CFAP20DC: variants seen among roughly 807,000 people sequenced by gnomAD.
CFAP20DC encodes CFAP20 domain containing, also known as protein CFAP20DC.
In CFAP20DC, 84 loss-of-function variants were observed where a neutral mutation model predicts 101.7. The ratio of observed to expected loss-of-function variants is 0.83; its 90% confidence interval spans 0.69 to 0.99. The LOEUF is 0.99. Ranked by LOEUF, CFAP20DC falls within the 50% of genes least tolerant of loss-of-function variation. CFAP20DC has a pLI of 0.00. For missense variants in CFAP20DC, 1,007 were observed against 970.3 expected (o/e 1.04, Z -0.50); for synonymous variants, 359 against 351.2 (o/e 1.02, Z -0.25).
In CFAP20DC at chr3:58,795,178, T is replaced by G. The variant is rs1460751183; in HGVS notation, c.2237+11217A>C. On this transcript the variant is annotated intron_variant, in intron 15 of 16. Transcript: ENST00000482387. This position sits in a 1 kb window ranked among gnomAD's most constrained non-coding sequence, Gnocchi z 4.2. ...TGAGGGGGAAGCTGAATCTTTTAAT[T>G]AAAAGCTGAAACTATAAAACATTAG... Among the ~76,000 whole-genome samples, 2 of 152,226 alleles carry G rather than the reference T, an allele frequency of 1.3e-5. No homozygotes were observed. The highest frequency in any genetic ancestry group is 2.9e-5 in the Non-Finnish European group (2 of 68,038).
chr3:58,736,645 A>G (rs1156817295), intron 3 of CFAP20DC, among the ~76,000 whole-genome samples: 1 of 152,186 alleles, frequency 6.6e-6, no homozygotes, highest in Non-Finnish European at 1.5e-5. Context: ...AGCACATTAG[A>G]GCTAATTTCT....
In CFAP20DC at chr3:58,849,150, G is replaced by A. The variant is rs1485730365; in HGVS notation, c.1853C>T (p.Thr618Ile). The A allele has an allele frequency of 1.3e-6, 2 of 1,536,066 alleles. No individual in the cohort carries two copies. The highest frequency in any genetic ancestry group is 1.7e-6 in the Non-Finnish European group (2 of 1,146,912). Residue 618 changes from threonine (T) to isoleucine (I), a missense_variant, in exon 13 of 17, where the codon ACT becomes ATT. By Grantham distance (89) the Thr-to-Ile change is moderately conservative. Transcript: ENST00000482387. ...TGRRCGSCQKTPEPVIKAKDL... is the reference protein window; with the variant it reads ...TGRRCGSCQKIPEPVIKAKDL... ...CTTCGCTTTGATTACGGGCTCTGGA[G>A]TTTTCTGACAGGACCCACACCTTCT...
chr3:58,943,521 A>T (rs576132516), intron 4 of CFAP20DC, among the ~76,000 whole-genome samples: 1 of 152,170 alleles, frequency 6.6e-6, no homozygotes, highest in Non-Finnish European at 1.5e-5. Flanking sequence ...AAAGGAATAG[A>T]ATCAACATGA....
At chr3:58,996,335 G>T (rs1392002635) in intron 4 of CFAP20DC, among the ~76,000 whole-genome samples, 1 of 152,078 alleles carries the variant, frequency 6.6e-6, no homozygotes, top group Non-Finnish European at 1.5e-5. Context: ...CCCATTCTAG[G>T]CTTCACGTAA....
chr3:58,984,798 C>T (rs973343663), intron 4 of CFAP20DC, among the ~76,000 whole-genome samples: 11 of 152,304 alleles, frequency 7.2e-5, no homozygotes, highest in Non-Finnish European at 1.5e-4. Flanking sequence ...TACTGAACTT[C>T]TCTGAGGCTT....
chr3:58,852,692 G>A (rs1451277335), intron 12 of CFAP20DC, among the ~76,000 whole-genome samples: 35 of 149,930 alleles, frequency 2.3e-4, no homozygotes, highest in South Asian at 4.3e-4. Flanking sequence ...ACTCAAAACC[G>A]CTCAACTACA....
chr3:58,889,094 C>A (rs1266898932), intron 6 of CFAP20DC, among the ~76,000 whole-genome samples: 1 of 151,714 alleles, frequency 6.6e-6, no homozygotes, highest in Admixed American at 6.6e-5. Context: ...AACTTTCTCA[C>A]AGAATATTTC....
intron 14 of CFAP20DC, among the ~76,000 whole-genome samples, chr3:58,806,864 C>T (rs1023165480): frequency 2.0e-5 from 3 of 152,170 alleles, no homozygotes; most frequent in Non-Finnish European, 4.4e-5. Flanking sequence ...CACTCCCACC[C>T]TAATACTGCA....
chr3:59,004,275 T>A (rs1266919082), intron 4 of CFAP20DC, among the ~76,000 whole-genome samples: 3 of 152,118 alleles, frequency 2.0e-5, no homozygotes, highest in Admixed American at 6.6e-5. Context: ...AACATGCATC[T>A]GAGGCACAGG....
intron 4 of CFAP20DC, among the ~76,000 whole-genome samples, chr3:58,962,836 A>T (rs1332128217): frequency 1.3e-5 from 2 of 152,100 alleles, no homozygotes; most frequent in African/African-American, 4.8e-5. Context: ...GTGAGCACGT[A>T]GCTTCCTGAC....
chr3:58,910,199 T>C (rs1443397616), intron 6 of CFAP20DC, among the ~76,000 whole-genome samples: 1 of 152,126 alleles, frequency 6.6e-6, no homozygotes, highest in Admixed American at 6.6e-5. Flanking sequence ...TGGAGCAGCT[T>C]CTCTCTTTGC....
At chr3:58,848,668 AT>A (rs2108296839) in intron 13 of CFAP20DC, among the ~76,000 whole-genome samples, 1 of 152,306 alleles carries the variant, frequency 6.6e-6, no homozygotes, top group South Asian at 2.1e-4. Context: ...GTAGATTGTT[AT>A]TGAAAATCTG....
intron 12 of CFAP20DC, among the ~76,000 whole-genome samples, chr3:58,856,265 GACACACACACACACACACACACACACAC>G (rs536277954): frequency 8.1e-6 from 1 of 124,068 alleles, no homozygotes; most frequent in African/African-American, 3.0e-5. Flanking sequence ...TTCATCTTCT[GACACACACACACACACACACACACACAC>G]ACACACACAC....
intron 4 of CFAP20DC, among the ~76,000 whole-genome samples, chr3:58,945,164 G>C (rs2089176271): frequency 6.6e-6 from 1 of 152,054 alleles, no homozygotes; most frequent in Non-Finnish European, 1.5e-5. Context: ...AGTAAGGCTA[G>C]GTATCTCTCC....
intron 15 of CFAP20DC, among the ~76,000 whole-genome samples, chr3:58,763,789 T>C (rs937033644): frequency 4.6e-5 from 7 of 152,172 alleles, no homozygotes; most frequent in Non-Finnish European, 1.0e-4. Flanking sequence ...CTGTTGGAGT[T>C]TGCTGGAGGT....
At chr3:58,991,416 T>C (rs2108620668) in intron 4 of CFAP20DC, among the ~76,000 whole-genome samples, 1 of 149,234 alleles carries the variant, frequency 6.7e-6, no homozygotes, top group Middle Eastern at 3.4e-3. Context: ...CTTGAATGTT[T>C]GAACCTCAAT....
intron 15 of CFAP20DC, among the ~76,000 whole-genome samples, chr3:58,756,935 A>G (rs1273980700): frequency 6.6e-6 from 1 of 152,046 alleles, no homozygotes; most frequent in Admixed American, 6.6e-5. Flanking sequence ...TACCCTATGG[A>G]GGTACTATCA....
chr3:58,811,462 C>A (rs1387800677), intron 14 of CFAP20DC, among the ~76,000 whole-genome samples: 1 of 151,996 alleles, frequency 6.6e-6, no homozygotes, highest in Non-Finnish European at 1.5e-5. Flanking sequence ...GGAAAGGATT[C>A]CCTATTTAAT....
At chr3:59,017,721 C>G (rs1411872199) in intron 4 of CFAP20DC, 2 of 151,982 alleles carry the variant, frequency 1.3e-5, no homozygotes, top group East Asian at 3.9e-4. Context: ...TCTTTTATGT[C>G]AAAAGTTAAT....
Sources: allele counts gnomAD v4.1 joint callset (sites outside exome capture counted in the v4.1 genomes callset), GRCh38; gene constraint gnomAD v4.1.1; non-coding constraint Gnocchi (gnomAD v3.1); transcripts MANE v1.5; gene names NCBI Gene and HGNC (gene_info 2026-07-23, HGNC 2026-07-21).